MSL3B: variants seen among roughly 807,000 people sequenced by gnomAD.
MSL3B encodes MSL complex subunit 3 pseudogene 1.
At chr2:233,866,061 T>C in the MSL3B span, 10 of 431,348 alleles carry the variant, frequency 2.3e-5, no homozygotes, top group African/African-American at 2.0e-4. Context: ...CCCACCACCT[T>C]GTTAATTTTT....
chr2:233,866,090 C>T, the MSL3B span: 1 of 506,674 alleles, frequency 2.0e-6, no homozygotes, highest in African/African-American at 2.0e-5. Context: ...ACTCAGAACA[C>T]CATGCTAGAT....
the MSL3B span, chr2:233,865,836 A>G: frequency 3.9e-6 from 1 of 255,694 alleles, no homozygotes; most frequent in Non-Finnish European, 7.6e-6. Context: ...GGCCTAACCT[A>G]TGTACACTTC....
the MSL3B span, chr2:233,866,565 T>G: frequency 2.2e-6 from 2 of 910,392 alleles, no homozygotes; most frequent in Non-Finnish European, 3.7e-6. Context: ...CTGGTGGACA[T>G]GTCCTGCTGC....
At chr2:233,866,394 G>T in the MSL3B span, 1 of 1,022,998 alleles carries the variant, frequency 9.8e-7, no homozygotes. Flanking sequence ...TAATTGTCAG[G>T]TACGAGCTTC....
chr2:233,867,191 T>C, the MSL3B span: 2 of 778,420 alleles, frequency 2.6e-6, no homozygotes, highest in East Asian at 2.4e-5. Context: ...TGTTCTTTCT[T>C]CCATTTCCCT....
the MSL3B span, chr2:233,866,560 G>A: frequency 1.1e-6 from 1 of 924,642 alleles, no homozygotes; most frequent in Admixed American, 1.7e-5. Context: ...GCACACTGGT[G>A]GACATGTCCT....
At chr2:233,865,369 T>C in the MSL3B span, 1 of 152,212 alleles carries the variant, frequency 6.6e-6, no homozygotes, top group Non-Finnish European at 1.5e-5. Context: ...TTTACTGGTT[T>C]AAATGAATAC....
At chr2:233,866,934 A>G in the MSL3B span, 1 of 1,465,402 alleles carries the variant, frequency 6.8e-7, no homozygotes, top group South Asian at 1.1e-5. Flanking sequence ...ATCTCCTTAC[A>G]AAGGTCAATA....
chr2:233,867,830 C>G, the MSL3B span, among the ~76,000 whole-genome samples: 1 of 134,546 alleles, frequency 7.4e-6, no homozygotes, highest in Non-Finnish European at 1.6e-5. Flanking sequence ...TCTCACCCTG[C>G]CGCCCAGGCT....
chr2:233,867,662 G>A, the MSL3B span, among the ~76,000 whole-genome samples: 3 of 151,866 alleles, frequency 2.0e-5, no homozygotes, highest in Non-Finnish European at 4.4e-5. Flanking sequence ...ATTTTTAGCA[G>A]AGACGGGGTT....
the MSL3B span, chr2:233,867,033 C>T: frequency 8.0e-7 from 1 of 1,251,744 alleles, no homozygotes; most frequent in Non-Finnish European, 1.2e-6. Flanking sequence ...GAAAAGGCTG[C>T]ACTGATAGCA....
the MSL3B span, chr2:233,866,316 C>A: frequency 2.5e-6 from 2 of 798,358 alleles, no homozygotes; most frequent in South Asian, 1.3e-5. Context: ...GGAAGTTTGA[C>A]AAACAATCGC....
chr2:233,866,343 C>T, the MSL3B span: 20 of 825,882 alleles, frequency 2.4e-5, no homozygotes, highest in Admixed American at 5.2e-5. Context: ...TGTTGCGCCC[C>T]GTAAATGTAA....
At chr2:233,867,506 G>C in the MSL3B span, 29 of 313,942 alleles carry the variant, frequency 9.2e-5, no homozygotes, top group Non-Finnish European at 1.7e-4. Context: ...CAAGAGTTTC[G>C]GTATTGTTGC....
chr2:233,867,789 ATTTTTTTT>A, the MSL3B span, among the ~76,000 whole-genome samples: 3 of 72,808 alleles, frequency 4.1e-5, no homozygotes, highest in Admixed American at 1.6e-4. Context: ...CTAATCTACG[ATTTTTTTT>A]TTTTTTTTTT....
chr2:233,866,200 G>T, the MSL3B span: 2 of 659,718 alleles, frequency 3.0e-6, no homozygotes, highest in Non-Finnish European at 2.9e-6. Flanking sequence ...CTGACTCTGG[G>T]AAGAAGTCAT....
chr2:233,865,434 T>C, the MSL3B span: 3 of 150,888 alleles, frequency 2.0e-5, no homozygotes, highest in Non-Finnish European at 1.5e-5. Context: ...GACTCCAAGT[T>C]AATTTTTTTT....
chr2:233,866,182 G>C, the MSL3B span: 1 of 640,300 alleles, frequency 1.6e-6, no homozygotes, highest in Non-Finnish European at 3.0e-6. Flanking sequence ...CAGAGGCAGC[G>C]ACGTAAGCTG....
chr2:233,866,101 G>A, the MSL3B span: 1 of 541,320 alleles, frequency 1.8e-6, no homozygotes, highest in East Asian at 4.6e-5. Flanking sequence ...CATGCTAGAT[G>A]GAGCAGTTGT....
Sources: allele counts gnomAD v4.1 joint callset (sites outside exome capture counted in the v4.1 genomes callset), GRCh38; gene constraint gnomAD v4.1.1; transcripts MANE v1.5; gene names NCBI Gene and HGNC (gene_info 2026-07-23, HGNC 2026-07-21).